Variants in MLLT1 observed in about 807,000 individuals in gnomAD.
The protein encoded by MLLT1 is protein ENL.
In MLLT1, 11 loss-of-function variants were observed where a neutral mutation model predicts 55.1. The ratio of observed to expected loss-of-function variants is 0.20; its 90% CI spans 0.13 to 0.33. The LOEUF (loss-of-function observed/expected upper bound fraction) is 0.33, where lower values mean the gene tolerates loss of function less well. Among genes scored for constraint, MLLT1 ranks in the 10% least tolerant of loss-of-function variants. MLLT1 has a pLI of 1.00. For missense variants in MLLT1, 536 were observed against 760.6 expected (o/e 0.70, Z 3.47); for synonymous variants, 323 against 320.1 (o/e 1.01, Z -0.10).
chr19:6,218,080 G>A, intron 6 of MLLT1, 39 bp from the exon 7 acceptor site: 2 of 1,569,686 alleles, frequency 1.3e-6, no homozygotes, highest in Non-Finnish European at 1.7e-6. Context: ...GGGGAGAAAG[G>A]GAGAGCTGTC....
Position 6,230,556 on chromosome 19 carries a change from C to G in MLLT1, c.420+14G>C. On this transcript the variant is annotated intron_variant, in intron 4 of 11. Coordinates refer to ENST00000252674, the MANE Select transcript of MLLT1 (RefSeq NM_005934.4). This position sits in a 1 kb window ranked among gnomAD's most constrained non-coding sequence, Gnocchi z 9.0. ...GGAGCGGCCCCTTGGCGGGCAGGGGCGGGGCACACTCACCCCGCCGGCCCG... is the reference window on the plus strand; with the variant it reads ...GGAGCGGCCCCTTGGCGGGCAGGGGGGGGGCACACTCACCCCGCCGGCCCG... The G allele has an allele frequency of 6.2e-7, 1 of 1,611,586 alleles. No homozygotes were observed. Among genetic ancestry groups the G allele is most frequent in the Non-Finnish European group, 8.5e-7 (1 of 1,179,526 alleles).
chr19:6,213,952 G>A lies in MLLT1; in HGVS notation c.1394C>T (p.Pro465Leu), dbSNP rs773863957. The A allele has an allele frequency of 2.1e-5, 31 of 1,448,620 alleles. No homozygotes were observed. In the African/African-American group the frequency reaches 3.3e-4, roughly 15 times the overall value. The allele number at this position is 1,448,620 out of a possible 1,614,324, so 89.7% of individuals were successfully genotyped here. A position where few individuals can be genotyped will look rare whatever the true frequency, so the allele number is the denominator to read the frequency against. The change falls in exon 9 of 12, where the codon CCG becomes CTG. Residue 465 changes from proline (P) to leucine (L), a missense_variant. Around this residue, in one of 3 missense-constraint regions of MLLT1, gnomAD observed 449 missense variants for 489.0 expected, o/e 0.92. Transcript: ENST00000252674. ...CCCCAGGCTCACCTTGCTGTTGGGC[G>A]GGGGTGGCTTCTGGGGGGGTGGGGG... ...REPPPPQKPP[P>L]PNSKVSGRRS...
chr19:6,271,160 T>A (rs1166535806), intron 1 of MLLT1, among the ~76,000 whole-genome samples: 1 of 152,028 alleles, frequency 6.6e-6, no homozygotes, highest in Non-Finnish European at 1.5e-5. Flanking sequence ...CAGGGAAGCC[T>A]CCCCTGACCA....
At chr19:6,261,467 G>T (rs1264091982) in intron 3 of MLLT1, among the ~76,000 whole-genome samples, 1 of 152,126 alleles carries the variant, frequency 6.6e-6, no homozygotes, top group African/African-American at 2.4e-5. Context: ...GGCATCCACA[G>T]GCCTCCCAGG....
In MLLT1 at chr19:6,222,086, T is replaced by A; in HGVS notation, c.1110+35A>T. ...GGGAGGCGGGTCCCACCACACTGCCTGCACCTGGCTGCCCTGCCCCCAGCA... is the reference window on the plus strand; with the variant it reads ...GGGAGGCGGGTCCCACCACACTGCCAGCACCTGGCTGCCCTGCCCCCAGCA... On this transcript the variant is annotated intron_variant, in intron 6 of 11. Coordinates refer to ENST00000252674, the MANE Select transcript of MLLT1 (RefSeq NM_005934.4). This position sits in a 1 kb window ranked among gnomAD's most constrained non-coding sequence, Gnocchi z 4.1. The A allele has an allele frequency of 4.1e-6, 6 of 1,454,678 alleles. No individual in the cohort carries two copies. The highest frequency in any genetic ancestry group is 4.6e-6 in the Non-Finnish European group (5 of 1,098,586). The allele number at this position is 1,454,678 out of a possible 1,614,324, so 90.1% of individuals were successfully genotyped here. A position where few individuals can be genotyped will look rare whatever the true frequency, so the allele number is the denominator to read the frequency against.
rs140057684 is a variant in MLLT1, at chr19:6,269,205, C to T, written c.193+1374G>A. Among the ~76,000 whole-genome samples the T allele has an allele frequency of 2.2e-3, 332 of 152,382 alleles. 1 individual carries two copies. The highest frequency in any genetic ancestry group is 7.3e-3 in the African/African-American group (305 of 41,584). On this transcript the variant is annotated intron_variant, in intron 2 of 11. Transcript: ENST00000252674. ...TAAAAACAGGCTGCACTGGCAGTGGCCAGACCCAGCCCACAGGCCAGCCTG... is the reference window on the plus strand; with the variant it reads ...TAAAAACAGGCTGCACTGGCAGTGGTCAGACCCAGCCCACAGGCCAGCCTG...
intron 3 of MLLT1, among the ~76,000 whole-genome samples, chr19:6,245,529 T>C (rs1352043317): frequency 6.7e-6 from 1 of 150,332 alleles, no homozygotes; most frequent in Non-Finnish European, 1.5e-5. Context: ...GCTAACATGG[T>C]GAAACCCCGT....
At position 6,262,409 on chromosome 19, in the gene MLLT1, A is replaced by C; in HGVS notation, c.194-99T>G. 16 of 961,066 alleles carry C rather than the reference A, an allele frequency of 1.7e-5. No homozygotes were observed. Among genetic ancestry groups the C allele is most frequent in the African/African-American group, 3.3e-5 (2 of 61,292 alleles). The allele number at this position is 961,066 out of a possible 1,614,324, so 59.5% of individuals were successfully genotyped here. A position where few individuals can be genotyped will look rare whatever the true frequency, so the allele number is the denominator to read the frequency against. On this transcript the variant is annotated intron_variant, in intron 2 of 11. Coordinates refer to ENST00000252674, the MANE Select transcript of MLLT1 (RefSeq NM_005934.4). This position sits in a 1 kb window ranked among gnomAD's most constrained non-coding sequence, Gnocchi z 4.4. ...CACCCCTCAACCCCACCACCTCCTC[A>C]CAGGGGCTTGGCTGGCCTCTCGGGG...
intron 3 of MLLT1, among the ~76,000 whole-genome samples, chr19:6,236,464 A>C (rs1483785387): frequency 1.3e-5 from 2 of 152,204 alleles, no homozygotes; most frequent in Middle Eastern, 3.4e-3. Context: ...CACAAACCAA[A>C]CAGGGAAGGC....
chr19:6,278,057 G>A (rs2091436156), intron 1 of MLLT1, among the ~76,000 whole-genome samples: 1 of 152,150 alleles, frequency 6.6e-6, no homozygotes, highest in Admixed American at 6.5e-5. Flanking sequence ...GCGCCGAGAT[G>A]GGCAGGAGGG....
At chr19:6,246,783 G>A (rs1049988301) in intron 3 of MLLT1, among the ~76,000 whole-genome samples, 2 of 152,176 alleles carry the variant, frequency 1.3e-5, no homozygotes, top group Non-Finnish European at 2.9e-5. Flanking sequence ...GATGGGCAGA[G>A]GGGGCAGACC....
rs974506194 is a variant in MLLT1, at chr19:6,227,843, T to C, written c.421-741A>G. Among the ~76,000 whole-genome samples the C allele has an allele frequency of 2.6e-5, 4 of 151,984 alleles. No homozygotes were observed. The highest frequency in any genetic ancestry group is 5.9e-5 in the Non-Finnish European group (4 of 68,006). On this transcript the variant is annotated intron_variant, in intron 4 of 11. Transcript: ENST00000252674. This position sits in a 1 kb window ranked among gnomAD's most constrained non-coding sequence, Gnocchi z 5.1. ...AAGCTCGGAGCAAGGTCTTGAGATA[T>C]CAACACTGCGAGTTAAGGAATGCCA...
At chr19:6,259,713 A>C (rs2091286643) in intron 3 of MLLT1, 1 of 150,502 alleles carries the variant, frequency 6.6e-6, no homozygotes, top group Non-Finnish European at 1.5e-5. Context: ...TGCGATTCTC[A>C]GCACAGGCTC....
chr19:6,237,625 T>G (rs1319221525), intron 3 of MLLT1, among the ~76,000 whole-genome samples: 4 of 149,546 alleles, frequency 2.7e-5, no homozygotes, highest in African/African-American at 9.9e-5. Context: ...AAAAATTAGC[T>G]GGGCGTGGTG....
chr19:6,213,594 G>A, intron 10 of MLLT1, 132 bp downstream of exon 10: 1 of 1,035,142 alleles, frequency 9.7e-7, no homozygotes, highest in Non-Finnish European at 1.5e-6. Context: ...AGGGGAGGAA[G>A]GACTGTCCCT....
intron 3 of MLLT1, among the ~76,000 whole-genome samples, chr19:6,261,320 C>T (rs940952809): frequency 1.3e-5 from 2 of 152,214 alleles, no homozygotes; most frequent in East Asian, 3.8e-4. Flanking sequence ...AAACGTCACC[C>T]GGCTCCTAGG....
Position 6,237,637 on chromosome 19 carries a change from C to T in MLLT1, c.277-6924G>A, listed in dbSNP as rs1412985788. 4.7e-5 allele frequency among the ~76,000 whole-genome samples: 7 copies of T among 150,368 alleles called. No individual in the cohort carries two copies. The East Asian group carries it at 5.8e-4, about 13-fold the overall frequency. Reference sequence around the variant, plus strand: ...AAAAAAAATTAGCTGGGCGTGGTGGCGGACGCCTGTAGTCCCAGCTACTCG... The same window carrying T: ...AAAAAAAATTAGCTGGGCGTGGTGGTGGACGCCTGTAGTCCCAGCTACTCG... On this transcript the variant is annotated intron_variant, in intron 3 of 11. Transcript: ENST00000252674.
intron 5 of MLLT1, among the ~76,000 whole-genome samples, chr19:6,224,682 G>A (rs998974278): frequency 2.0e-5 from 3 of 152,214 alleles, no homozygotes; most frequent in Non-Finnish European, 4.4e-5. Flanking sequence ...ACAGGCACCC[G>A]ACACCACAGG....
chr19:6,277,066 T>C (rs1212535611), intron 1 of MLLT1, among the ~76,000 whole-genome samples: 2 of 152,332 alleles, frequency 1.3e-5, no homozygotes, highest in South Asian at 2.1e-4. Context: ...GGGGGGCTAG[T>C]GGGAGCGGAA....
Sources: gnomAD v4.1 joint callset for allele counts (sites outside exome capture counted in the v4.1 genomes callset) on GRCh38, gnomAD v4.1.1 for gene constraint, gnomAD v4.1.1 regional missense constraint, Gnocchi (gnomAD v3.1) non-coding constraint, MANE v1.5 for transcripts, NCBI Gene and HGNC (gene_info 2026-07-23, HGNC 2026-07-21) for gene names.